POSTN: variants seen among roughly 807,000 people sequenced by gnomAD.
POSTN encodes osteoblast specific factor 2 (fasciclin I-like).
A neutral mutation model predicts 104.5 loss-of-function variants in POSTN; 71 were observed. That is an observed-to-expected ratio of 0.68 (90% CI 0.56 to 0.83). The LOEUF is 0.83. Ranked by LOEUF, POSTN falls within the 40% of genes least tolerant of loss-of-function variation. The pLI is 0.00. For missense variants in POSTN, 949 were observed against 1,006.8 expected (o/e 0.94, Z 0.78); for synonymous variants, 355 against 340.7 (o/e 1.04, Z -0.46).
chr13:37,580,829 G>A (rs537877774), intron 10 of POSTN, 132 bp from the exon 11 acceptor site: 1 of 986,884 alleles, frequency 1.0e-6, no homozygotes, highest in Non-Finnish European at 1.5e-6. Flanking sequence ...CACGGGAACA[G>A]CTTCTTTCCT....
chr13:37,570,088 A>G (rs1950221330), intron 19 of POSTN, among the ~76,000 whole-genome samples: 1 of 151,962 alleles, frequency 6.6e-6, no homozygotes. Flanking sequence ...GAATAGCTGA[A>G]TTAAGGATTT....
chr13:37,586,679 G>A, intron 6 of POSTN, 103 bp downstream of exon 6: 1 of 1,137,568 alleles, frequency 8.8e-7, no homozygotes, highest in Non-Finnish European at 1.3e-6. Context: ...AAAAATATGT[G>A]TTACATTTTT....
chr13:37,584,099 T>C lies in POSTN; in HGVS notation c.1113A>G (p.Lys371=). 1 of 1,613,616 alleles carries C rather than the reference T, an allele frequency of 6.2e-7. No homozygotes were observed. The highest frequency in any genetic ancestry group is 1.7e-5 in the Admixed American group (1 of 59,960). ...GTTTTCCAGCCAGCTCAATAACTTG[T>C]TTGGCTGAAAAATAAACCATCACCA... ...IDQVLIPDSA[K]QVIELAGKQQ... is the part of the protein sequence containing the mutation. Residue 371 remains lysine, a synonymous_variant, in exon 9 of 23, where the codon AAA becomes AAG. Coordinates refer to ENST00000379747, the MANE Select transcript of POSTN (RefSeq NM_006475.3).
chr13:37,575,220 A>G (rs750478713), intron 16 of POSTN, among the ~76,000 whole-genome samples: 2 of 151,994 alleles, frequency 1.3e-5, no homozygotes, highest in Non-Finnish European at 2.9e-5. Flanking sequence ...ACATGATATG[A>G]TCAGTATTTA....
chr13:37,577,949 T>A, intron 15 of POSTN, 151 bp from the exon 16 acceptor site: 2 of 1,397,588 alleles, frequency 1.4e-6, no homozygotes, highest in Non-Finnish European at 1.9e-6. Context: ...ATCTTCCAAT[T>A]CAATGCTATC....
intron 16 of POSTN, 57 bp downstream of exon 16, chr13:37,577,695 AT>A (rs1250605253): frequency 6.3e-7 from 1 of 1,592,014 alleles, no homozygotes; most frequent in Non-Finnish European, 8.5e-7. Flanking sequence ...AAAGAAATGT[AT>A]TGTTTTCTTT....
intron 2 of POSTN, among the ~76,000 whole-genome samples, chr13:37,596,983 G>A (rs200889807): frequency 7.0e-6 from 1 of 143,094 alleles, no homozygotes; most frequent in South Asian, 2.2e-4. Context: ...GATTCAGGAA[G>A]AAATCTGAGT....
At chr13:37,582,095 A>G (rs907257641) in intron 10 of POSTN, among the ~76,000 whole-genome samples, 19 of 152,226 alleles carry the variant, frequency 1.2e-4, no homozygotes, top group African/African-American at 4.6e-4. Flanking sequence ...TAAAAAATTT[A>G]CTGCTTTCTG....
intron 6 of POSTN, 75 bp downstream of exon 6, chr13:37,586,707 T>G (rs1950755778): frequency 1.4e-6 from 2 of 1,436,382 alleles, no homozygotes; most frequent in Non-Finnish European, 1.9e-6. Flanking sequence ...TTAATAGCAT[T>G]TTTATTGTTT....
chr13:37,588,720 A>G (rs537707808), intron 4 of POSTN, among the ~76,000 whole-genome samples: 1 of 152,246 alleles, frequency 6.6e-6, no homozygotes, highest in East Asian at 1.9e-4. Flanking sequence ...AAAGTTGTCC[A>G]GTTTGGTTAA....
intron 8 of POSTN, 33 bp downstream of exon 8, chr13:37,584,683 A>G: frequency 6.4e-7 from 1 of 1,555,954 alleles, no homozygotes; most frequent in South Asian, 1.1e-5. Flanking sequence ...AGTAAGTAAA[A>G]AAACAAAAAC....
chr13:37,565,355 G>GAGTA (rs2138135058), intron 21 of POSTN: 1 of 151,968 alleles, frequency 6.6e-6, no homozygotes, highest in South Asian at 2.1e-4. Context: ...TGAGATCAAA[G>GAGTA]AGTAAGTATG....
intron 1 of POSTN, among the ~76,000 whole-genome samples, chr13:37,597,639 G>T (rs1380258504): frequency 6.6e-6 from 1 of 152,088 alleles, no homozygotes; most frequent in Non-Finnish European, 1.5e-5. Context: ...AACCAAGCAT[G>T]TGCTCATTTG....
chr13:37,582,543 T>C, intron 9 of POSTN, 29 bp from the exon 10 acceptor site: 2 of 1,555,580 alleles, frequency 1.3e-6, no homozygotes, highest in Non-Finnish European at 8.7e-7. Flanking sequence ...AGAAAGAGCA[T>C]TATTTTATTT....
intron 1 of POSTN, among the ~76,000 whole-genome samples, chr13:37,598,195 T>A (rs902812656): frequency 5.9e-5 from 9 of 152,140 alleles, no homozygotes; most frequent in Admixed American, 5.9e-4. Context: ...TAAATAAAAT[T>A]TTCTCTAACA....
chr13:37,595,843 C>A (rs1310704715), intron 2 of POSTN, among the ~76,000 whole-genome samples: 5 of 147,206 alleles, frequency 3.4e-5, no homozygotes, highest in African/African-American at 1.3e-4. Context: ...CAGAGTCTCA[C>A]TCTGTTGCCC....
chr13:37,575,759 G>T (rs916984685), intron 16 of POSTN, among the ~76,000 whole-genome samples: 3 of 152,036 alleles, frequency 2.0e-5, no homozygotes, highest in Non-Finnish European at 4.4e-5. Context: ...ATTAATGTGG[G>T]TTCTTAGCCT....
intron 5 of POSTN, 131 bp downstream of exon 5, chr13:37,587,691 G>T (rs1393493122): frequency 5.7e-6 from 4 of 698,174 alleles, no homozygotes; most frequent in Non-Finnish European, 9.0e-6. Context: ...AGATTTGGGG[G>T]TAAAGTCATA....
At position 37,582,431 on chromosome 13, in the gene POSTN, G is replaced by C. The variant is rs201820048; in HGVS notation, c.1327C>G (p.Leu443Val). The stretch of plus-strand genomic sequence containing the variant: ...GTTTCCAGTATTTGCCCGTTGTAAA[G>C]CTCATTAAGGCCAACTTTTACTTTC... ...ILKVKVGLNE[L>V]YNGQILETIG... Residue 443 changes from leucine (L) to valine (V), a missense_variant, in exon 10 of 23, where the codon CTT becomes GTT. Physicochemically the swap from Leu to Val is conservative, Grantham distance 32. Coordinates refer to ENST00000379747, the MANE Select transcript of POSTN (RefSeq NM_006475.3). 6.2e-7 allele frequency: 1 copy of C among 1,613,850 alleles called. No homozygotes were observed. The highest frequency in any genetic ancestry group is 2.2e-5 in the East Asian group (1 of 44,844).
Sources: allele counts gnomAD v4.1 joint callset (sites outside exome capture counted in the v4.1 genomes callset), GRCh38; gene constraint gnomAD v4.1.1; transcripts MANE v1.5; gene names NCBI Gene and HGNC (gene_info 2026-07-23, HGNC 2026-07-21).